Variants in SNX30 observed in about 807,000 individuals in gnomAD.
SNX30 encodes the protein sorting nexin-30.
Under a neutral mutation model 46.4 loss-of-function variants are expected in SNX30, and 24 were observed. That is an observed-to-expected ratio of 0.52 (90% CI 0.37 to 0.73). The LOEUF (loss-of-function observed/expected upper bound fraction) is 0.73. Ranked by LOEUF, SNX30 falls within the 30% of genes least tolerant of loss-of-function variation. SNX30 has a pLI of 0.00. For synonymous variants in SNX30, 189 were observed against 211.5 expected, an observed-to-expected ratio of 0.89 and a Z score of 0.92; for missense variants, 533 against 555.7, an observed-to-expected ratio of 0.96 and a Z score of 0.41.
intron 4 of SNX30, among the ~76,000 whole-genome samples, chr9:112,834,931 A>G (rs562762108): frequency 1.1e-4 from 16 of 152,036 alleles, no homozygotes; most frequent in African/African-American, 3.4e-4. Flanking sequence ...GAAGGCCTAA[A>G]GAAGGAAGCG....
At chr9:112,783,523 G>C (rs872130) in intron 1 of SNX30, among the ~76,000 whole-genome samples, 52,984 of 152,068 alleles carry the variant, frequency 0.35, 9,834 homozygotes, top group South Asian at 0.47. Context: ...GATGGATTTT[G>C]TCCCTAAGTC....
intron 1 of SNX30, among the ~76,000 whole-genome samples, 179 bp downstream of exon 1, chr9:112,751,336 C>T (rs1839273136): frequency 1.3e-5 from 2 of 152,136 alleles, no homozygotes; most frequent in Non-Finnish European, 2.9e-5. Context: ...TCCGCGGGGT[C>T]GCAGCCGCAG....
chr9:112,878,836 G>A (rs1379990902), downstream of SNX30: 1 of 152,180 alleles, frequency 6.6e-6, no homozygotes, highest in Non-Finnish European at 1.5e-5. Context: ...GTATTCTGCA[G>A]CCGTGTATTT....
At chr9:112,841,088 T>C (rs1588134810) in intron 6 of SNX30, among the ~76,000 whole-genome samples, 1 of 152,354 alleles carries the variant, frequency 6.6e-6, no homozygotes, top group East Asian at 1.9e-4. Flanking sequence ...AAAATAAGTT[T>C]TTACAATTCC....
chr9:112,864,287 G>C lies in SNX30; in HGVS notation c.1142G>C (p.Cys381Ser). ...GAGAAATGTCAGGATCGGATGGAGT[G>C]TTTCAATGCTGACCTGAAAGCTGAC... ...DVEKCQDRME[C>S]FNADLKADME... is the part of the protein sequence containing the mutation. Residue 381 changes from cysteine to serine, a missense_variant, in exon 8 of 9, where the codon TGT becomes TCT. Cys to Ser is a moderately radical substitution (Grantham distance 112). Around this residue, in one of 3 missense-constraint regions of SNX30, gnomAD observed 261 missense variants for 270.9 expected, o/e 0.96. Transcript: ENST00000374232. The C allele has an allele frequency of 1.2e-6, 2 of 1,614,160 alleles. No homozygotes were observed. Among genetic ancestry groups the C allele is most frequent in the Non-Finnish European group, 1.7e-6 (2 of 1,180,018 alleles).
chr9:112,863,964 A>G (rs370884883), intron 7 of SNX30, among the ~76,000 whole-genome samples: 4 of 152,204 alleles, frequency 2.6e-5, no homozygotes, highest in African/African-American at 7.2e-5. Context: ...CTGAATTGCA[A>G]TGTTTCTTCT....
At chr9:112,775,781 C>CT (rs35535657) in intron 1 of SNX30, among the ~76,000 whole-genome samples, 16,760 of 122,294 alleles carry the variant, frequency 0.14, 1,259 homozygotes, top group East Asian at 0.21. Flanking sequence ...TATGTGTAGT[C>CT]TTTTTTTTTT....
chr9:112,813,544 G>A (rs1262861032), intron 2 of SNX30, among the ~76,000 whole-genome samples: 1 of 148,002 alleles, frequency 6.8e-6, no homozygotes, highest in East Asian at 2.0e-4. Flanking sequence ...TCTTGGCTCA[G>A]TGTAACCTCT....
intron 6 of SNX30, among the ~76,000 whole-genome samples, 194 bp downstream of exon 6, chr9:112,838,891 A>G (rs1429848924): frequency 2.6e-5 from 4 of 152,250 alleles, no homozygotes; most frequent in Admixed American, 2.0e-4. Flanking sequence ...TTAAACAAAA[A>G]AAAAAGTTTG....
In SNX30 at chr9:112,869,062, G is replaced by A; in HGVS notation, c.*219G>A. 1.7e-6 allele frequency: 1 copy of A among 580,896 alleles called. No individual in the cohort carries two copies. Among genetic ancestry groups the A allele is most frequent in the Non-Finnish European group, 3.1e-6 (1 of 324,146 alleles). The allele number at this position is 580,896 out of a possible 1,614,324, so 36.0% of individuals were successfully genotyped here. A position where few individuals can be genotyped will look rare whatever the true frequency, so the allele number is the denominator to read the frequency against. ...GAGGCTAGAATATCTCTCAGCAAGA[G>A]CAGCATACCTCCATGTTGTGAAGGC... On this transcript the variant is annotated 3_prime_UTR_variant, in exon 9 of 9. Coordinates refer to ENST00000374232, the MANE Select transcript of SNX30 (RefSeq NM_001012994.2).
chr9:112,764,321 A>G (rs1199063165), intron 1 of SNX30, among the ~76,000 whole-genome samples: 1 of 152,196 alleles, frequency 6.6e-6, no homozygotes, highest in Non-Finnish European at 1.5e-5. Context: ...GTAGTGGCAA[A>G]TAGTAAGGAC....
chr9:112,761,599 T>C (rs1839437236), intron 1 of SNX30, among the ~76,000 whole-genome samples: 1 of 152,018 alleles, frequency 6.6e-6, no homozygotes, highest in Non-Finnish European at 1.5e-5. Flanking sequence ...GATTAGAAAA[T>C]ATAAAGATGA....
chr9:112,856,090 C>G (rs1841122281), intron 7 of SNX30, among the ~76,000 whole-genome samples: 1 of 152,034 alleles, frequency 6.6e-6, no homozygotes, highest in African/African-American at 2.4e-5. Flanking sequence ...TAACTAGCTC[C>G]AAAAAGAACA....
intron 1 of SNX30, among the ~76,000 whole-genome samples, chr9:112,757,858 T>G (rs970885015): frequency 6.6e-6 from 1 of 152,186 alleles, no homozygotes; most frequent in Admixed American, 6.5e-5. Context: ...TGTTCATGTC[T>G]TTCATCTACA....
chr9:112,836,158 A>G, intron 4 of SNX30, 56 bp from the exon 5 acceptor site: 1 of 1,459,634 alleles, frequency 6.9e-7, no homozygotes, highest in Non-Finnish European at 9.2e-7. Flanking sequence ...TGTTTTATTT[A>G]GTCCTGCCCA....
At chr9:112,788,637 C>T (rs1839968790) in intron 1 of SNX30, among the ~76,000 whole-genome samples, 1 of 152,128 alleles carries the variant, frequency 6.6e-6, no homozygotes, top group African/African-American at 2.4e-5. Context: ...ATAGAGACAA[C>T]TTGGATGATC....
At chr9:112,860,862 A>C (rs971622763) in intron 7 of SNX30, among the ~76,000 whole-genome samples, 1 of 152,212 alleles carries the variant, frequency 6.6e-6, no homozygotes, top group Non-Finnish European at 1.5e-5. Flanking sequence ...TATAATATTG[A>C]TACTGATATG....
intron 7 of SNX30, 87 bp from the exon 8 acceptor site, chr9:112,864,160 C>A: frequency 7.2e-7 from 1 of 1,390,030 alleles, no homozygotes; most frequent in Non-Finnish European, 1.0e-6. Context: ...AGGGCTTTGG[C>A]CTTTGACAAA....
intron 1 of SNX30, among the ~76,000 whole-genome samples, chr9:112,762,543 C>T (rs1839458434): frequency 6.6e-6 from 1 of 152,030 alleles, no homozygotes; most frequent in Admixed American, 6.5e-5. Flanking sequence ...TGGCCTTGGG[C>T]AAGTTTCTTA....
Sources: allele counts gnomAD v4.1 joint callset (sites outside exome capture counted in the v4.1 genomes callset), GRCh38; gene constraint gnomAD v4.1.1; regional missense constraint gnomAD v4.1.1; transcripts MANE v1.5; gene names NCBI Gene and HGNC (gene_info 2026-07-23, HGNC 2026-07-21).